The following CHRM3 variants were observed in gnomAD, a reference collection of about 807,000 sequenced individuals.
The protein encoded by CHRM3 is cholinergic receptor muscarinic 3.
Under a neutral mutation model 41.8 loss-of-function variants are expected in CHRM3, and 11 were observed. The observed-to-expected ratio is 0.26, with a 90% CI of 0.17 to 0.44. The LOEUF (loss-of-function observed/expected upper bound fraction) is 0.44, where lower values mean the gene tolerates loss of function less well. Among genes scored for constraint, CHRM3 ranks in the 20% least tolerant of loss-of-function variants. The pLI is 1.00. For synonymous variants in CHRM3, 297 were observed against 301.4 expected, an observed-to-expected ratio of 0.99 and a Z score of 0.15; for missense variants, 571 against 745.4, an observed-to-expected ratio of 0.77 and a Z score of 2.72.
intron 3 of CHRM3, among the ~76,000 whole-genome samples, chr1:239,577,364 A>G (rs993898978): frequency 1.3e-5 from 2 of 152,168 alleles, no homozygotes; most frequent in African/African-American, 4.8e-5. Flanking sequence ...TTCATTTTGA[A>G]AAACAATAAG....
intron 1 of CHRM3, among the ~76,000 whole-genome samples, chr1:239,426,584 A>G (rs1662410063): frequency 6.6e-6 from 1 of 152,092 alleles, no homozygotes; most frequent in Non-Finnish European, 1.5e-5. Context: ...TGCAGGTTGA[A>G]GTGACAGAGA....
chr1:239,401,008 T>G (rs185306920), intron 1 of CHRM3, among the ~76,000 whole-genome samples: 15 of 152,260 alleles, frequency 9.9e-5, no homozygotes, highest in Admixed American at 8.5e-4. Flanking sequence ...GTGCATATCT[T>G]TCTCATCAGA....
intron 6 of CHRM3, among the ~76,000 whole-genome samples, chr1:239,835,697 G>A (rs1673257380): frequency 6.6e-6 from 1 of 152,138 alleles, no homozygotes; most frequent in South Asian, 2.1e-4. Flanking sequence ...GAAGACATCC[G>A]AGTACCTCCC....
intron 5 of CHRM3, chr1:239,705,768 C>G (rs1182874029): frequency 6.6e-6 from 1 of 152,006 alleles, no homozygotes; most frequent in African/African-American, 2.4e-5. Flanking sequence ...CAGATAGATT[C>G]ACGATATATA....
At chr1:239,406,589 A>T (rs1303307437) in intron 1 of CHRM3, among the ~76,000 whole-genome samples, 1 of 152,188 alleles carries the variant, frequency 6.6e-6, no homozygotes, top group Non-Finnish European at 1.5e-5. Flanking sequence ...GCCCATCCTC[A>T]TTCCAGCAAA....
At chr1:239,809,985 A>G (rs1207876237) in intron 5 of CHRM3, among the ~76,000 whole-genome samples, 1 of 152,210 alleles carries the variant, frequency 6.6e-6, no homozygotes, top group African/African-American at 2.4e-5. Flanking sequence ...TAGCTATTGC[A>G]GATCTTTATC....
chr1:239,468,226 C>T (rs565694557), intron 1 of CHRM3, among the ~76,000 whole-genome samples: 1 of 152,034 alleles, frequency 6.6e-6, no homozygotes, highest in African/African-American at 2.4e-5. Context: ...TGAAAAATGC[C>T]ATTTTTTAAA....
intron 5 of CHRM3, among the ~76,000 whole-genome samples, chr1:239,773,437 C>G (rs1667845530): frequency 6.6e-6 from 1 of 152,164 alleles, no homozygotes. Context: ...GAATTAACTA[C>G]TTAACCCTGG....
At chr1:239,492,639 C>T (rs1470231764) in intron 1 of CHRM3, 70 bp from the exon 2 acceptor site, 3 of 152,188 alleles carry the variant, frequency 2.0e-5, no homozygotes, top group Non-Finnish European at 4.4e-5. Context: ...ACGAACTCAG[C>T]TGATAAGAAA....
At chr1:239,657,925 G>A (rs1396893812) in intron 4 of CHRM3, among the ~76,000 whole-genome samples, 1 of 151,738 alleles carries the variant, frequency 6.6e-6, no homozygotes, top group Non-Finnish European at 1.5e-5. Flanking sequence ...GTTTTAATTT[G>A]TTTTACTCTG....
At chr1:239,832,401 A>G (rs569486469) in intron 6 of CHRM3, among the ~76,000 whole-genome samples, 1 of 152,176 alleles carries the variant, frequency 6.6e-6, no homozygotes, top group Non-Finnish European at 1.5e-5. Flanking sequence ...AATCCCTAGT[A>G]TTCGTCTTCA....
At chr1:239,812,797 T>C (rs1466119513) in intron 5 of CHRM3, among the ~76,000 whole-genome samples, 6 of 152,192 alleles carry the variant, frequency 3.9e-5, no homozygotes, top group Non-Finnish European at 7.3e-5. Flanking sequence ...AAGTACAAAG[T>C]ATTTTAATCT....
chr1:239,637,103 G>T (rs898510375), intron 4 of CHRM3, among the ~76,000 whole-genome samples: 4 of 152,084 alleles, frequency 2.6e-5, no homozygotes, highest in Admixed American at 2.6e-4. Flanking sequence ...TCTTTTCAAA[G>T]ATTTTAATGA....
Position 239,386,921 on chromosome 1 carries a change from A to C in CHRM3, c.-827A>C, listed in dbSNP as rs1040974258. ...GCCGCGGCCGCTGCCCGGAGGCGGC[A>C]TGTGACGCGCGGCCGCAGCTGCCCG... On this transcript the variant is annotated 5_prime_UTR_variant, in exon 1 of 7. The change abolishes an upstream ATG in the 5' untranslated region. Transcript: ENST00000676153. 1.3e-5 allele frequency: 2 copies of C among 151,890 alleles called. No homozygotes were observed. The highest frequency in any genetic ancestry group is 2.0e-4 in the East Asian group (1 of 5,116). 9.4% of individuals were successfully genotyped at this position (151,890 alleles called of 1,614,324 possible). A position where few individuals can be genotyped will look rare whatever the true frequency, so the allele number is the denominator to read the frequency against.
chr1:239,449,240 C>T (rs1181969318), intron 1 of CHRM3, among the ~76,000 whole-genome samples: 1 of 152,156 alleles, frequency 6.6e-6, no homozygotes, highest in Non-Finnish European at 1.5e-5. Flanking sequence ...GCTCAATTTA[C>T]TTTATCTGGT....
chr1:239,403,707 A>G (rs1660171799), intron 1 of CHRM3, among the ~76,000 whole-genome samples: 1 of 151,964 alleles, frequency 6.6e-6, no homozygotes, highest in Non-Finnish European at 1.5e-5. Context: ...TTTTGTAACC[A>G]CTTGGAAAGC....
intron 3 of CHRM3, among the ~76,000 whole-genome samples, chr1:239,578,338 T>C (rs1476161116): frequency 2.0e-5 from 3 of 152,216 alleles, no homozygotes; most frequent in African/African-American, 4.8e-5. Context: ...CACCACACTA[T>C]TTACTGAGTT....
intron 4 of CHRM3, among the ~76,000 whole-genome samples, chr1:239,662,912 T>TCTTCTC (rs1673381852): frequency 9.5e-6 from 1 of 105,246 alleles, no homozygotes; most frequent in African/African-American, 3.3e-5. Context: ...TTCTTCTTCT[T>TCTTCTC]CTTCTTCTTC....
intron 5 of CHRM3, among the ~76,000 whole-genome samples, chr1:239,728,118 G>A (rs944641107): frequency 5.3e-5 from 8 of 151,898 alleles, no homozygotes; most frequent in Non-Finnish European, 8.8e-5. Context: ...TTCACACAAT[G>A]TTGGTAGGAT....
Sources: allele counts gnomAD v4.1 joint callset (sites outside exome capture counted in the v4.1 genomes callset), GRCh38; gene constraint gnomAD v4.1.1; transcripts MANE v1.5; gene names NCBI Gene and HGNC (gene_info 2026-07-23, HGNC 2026-07-21).